The following RYR2 variants were observed in gnomAD, a reference collection of about 807,000 sequenced individuals.
RYR2 encodes the protein ryanodine receptor 2, also known as cardiac muscle ryanodine receptor-calcium release channel.
RYR2 carries 227 observed loss-of-function variants against 601.1 expected under a neutral mutation model. The observed-to-expected ratio is 0.38, with a 90% CI of 0.34 to 0.42. RYR2 has a LOEUF of 0.42. RYR2 is among the 10% of genes least tolerant of loss of function. The pLI, the probability that RYR2 is intolerant of heterozygous loss-of-function variation, is 1.00. For missense variants in RYR2, 4,646 were observed against 6,156.5 expected (o/e 0.75, Z 8.21); for synonymous variants, 2,223 against 2,175.1 (o/e 1.02, Z -0.61).
Position 237,827,704 on chromosome 1 carries a change from C to T in RYR2, c.14591-677C>T, listed in dbSNP as rs539688683. ...CTGTAATCCCAGCACTTTGGGAGGC[C>T]GAGGCAGGCGGATCACAAGGCCAGG... is the stretch of plus-strand genomic sequence containing the variant. On this transcript the variant is annotated intron_variant, in intron 101 of 104. Transcript: ENST00000366574. Among the ~76,000 whole-genome samples, 91 of 150,640 alleles carry T rather than the reference C, an allele frequency of 6.0e-4. 1 individual carries two copies. The South Asian group carries it at 0.018, about 30-fold the overall frequency.
chr1:237,778,637 T>C (rs1369804046), intron 87 of RYR2, 29 bp from the exon 88 acceptor site: 1 of 1,193,422 alleles, frequency 8.4e-7, no homozygotes. Context: ...TTATGAGGAA[T>C]AATTGCCGTT....
chr1:237,192,959 C>A (rs986599186), intron 1 of RYR2, among the ~76,000 whole-genome samples: 1 of 151,842 alleles, frequency 6.6e-6, no homozygotes, highest in South Asian at 2.1e-4. Context: ...CTTCCGAATC[C>A]CAAATCCGTG....
At chr1:237,387,468 T>C in intron 9 of RYR2, 88 bp downstream of exon 9, 1 of 1,165,846 alleles carries the variant, frequency 8.6e-7, no homozygotes, top group Non-Finnish European at 1.3e-6. Context: ...TGATTGTTAA[T>C]TAGAGCTTTT....
At chr1:237,507,642 G>T (rs1382335187) in intron 23 of RYR2, among the ~76,000 whole-genome samples, 1 of 152,104 alleles carries the variant, frequency 6.6e-6, no homozygotes, top group South Asian at 2.1e-4. Context: ...TCAGTGTTTT[G>T]CATTCTTGCA....
rs928334430 is a variant in RYR2, at chr1:237,326,206, AT to A, written c.169-4665del. Among the ~76,000 whole-genome samples the A allele has an allele frequency of 4.0e-5, 6 of 151,784 alleles. No individual in the cohort carries two copies. In the East Asian group the frequency reaches 1.2e-3, roughly 29 times the overall value. ...ATGCTGCTTTGTGGTTATTCTTGAG[AT>A]TTTTTTCCCCCTCTAAGACTATACA... On this transcript the variant is annotated intron_variant, in intron 2 of 104. Transcript: ENST00000366574.
chr1:237,344,013 G>A (rs948912489), intron 3 of RYR2, among the ~76,000 whole-genome samples: 11 of 151,702 alleles, frequency 7.3e-5, no homozygotes, highest in African/African-American at 2.7e-4. Context: ...AGTACAGATG[G>A]GGTTTCTCCA....
At chr1:237,097,087 G>A (rs544661586) in intron 1 of RYR2, among the ~76,000 whole-genome samples, 1 of 152,274 alleles carries the variant, frequency 6.6e-6, no homozygotes, top group South Asian at 2.1e-4. Context: ...GCTTGAATAT[G>A]TATTTTCTCT....
At chr1:237,098,376 C>T (rs1298701489) in intron 1 of RYR2, among the ~76,000 whole-genome samples, 1 of 131,966 alleles carries the variant, frequency 7.6e-6, no homozygotes, top group East Asian at 2.2e-4. Context: ...CACATAGTTG[C>T]CATTGTGTGT....
intron 63 of RYR2, 91 bp downstream of exon 63, chr1:237,687,595 G>T: frequency 1.0e-6 from 1 of 972,118 alleles, no homozygotes. Context: ...ATGTTGCATG[G>T]ATGCATGTTT....
intron 1 of RYR2, among the ~76,000 whole-genome samples, chr1:237,087,012 C>T (rs1572584286): frequency 6.6e-6 from 1 of 152,152 alleles, no homozygotes; most frequent in African/African-American, 2.4e-5. Flanking sequence ...CTTCTCTTTT[C>T]AGGCTGCATA....
intron 62 of RYR2, among the ~76,000 whole-genome samples, chr1:237,680,969 A>G (rs1685827566): frequency 6.6e-6 from 1 of 152,232 alleles, no homozygotes; most frequent in Non-Finnish European, 1.5e-5. Context: ...CCCCACATAT[A>G]CAAATTTAAT....
chr1:237,553,924 T>C (rs28789526), intron 27 of RYR2, among the ~76,000 whole-genome samples: 1 of 151,930 alleles, frequency 6.6e-6, no homozygotes, highest in Non-Finnish European at 1.5e-5. Flanking sequence ...GTAAATTCAG[T>C]GGGATTGTCT....
At chr1:237,126,595 C>T (rs952915764) in intron 1 of RYR2, among the ~76,000 whole-genome samples, 5 of 152,152 alleles carry the variant, frequency 3.3e-5, no homozygotes, top group Non-Finnish European at 7.4e-5. Context: ...AGGTGTCAGA[C>T]CTCCATCTGG....
Position 237,791,429 on chromosome 1 carries a change from A to G in RYR2, c.13477A>G (p.Asn4493Asp). The part of the protein sequence containing the change: ...KIIAYQQKLL[N>D]YFARNFYNMR... ...TTTTCATAATGTTTTTCACCCTCAG[A>G]ACTATTTTGCTCGCAACTTTTACAA... Residue 4493 changes from asparagine (N) to aspartate (D), a missense_variant and splice_region_variant, in exon 93 of 105, where the codon AAC (asparagine) becomes GAC (aspartate). By Grantham distance (23) the Asn-to-Asp change is conservative. Transcript: ENST00000366574. The G allele has an allele frequency of 6.5e-7, 1 of 1,543,488 alleles. No homozygotes were observed. Among genetic ancestry groups the G allele is most frequent in the Non-Finnish European group, 8.9e-7 (1 of 1,129,042 alleles).
At chr1:237,081,529 A>G (rs1218082278) in intron 1 of RYR2, among the ~76,000 whole-genome samples, 1 of 151,558 alleles carries the variant, frequency 6.6e-6, no homozygotes, top group Non-Finnish European at 1.5e-5. Context: ...ATATATATAT[A>G]CATGCATGTA....
At chr1:237,602,640 T>C (rs1234945583) in intron 35 of RYR2, among the ~76,000 whole-genome samples, 1 of 152,178 alleles carries the variant, frequency 6.6e-6, no homozygotes, top group East Asian at 1.9e-4. Context: ...AGAGTGAACA[T>C]GCTGAAGGTT....
chr1:237,216,859 G>C (rs1683235195), intron 1 of RYR2, among the ~76,000 whole-genome samples: 1 of 152,102 alleles, frequency 6.6e-6, no homozygotes, highest in East Asian at 1.9e-4. Context: ...ATTTAAGTTA[G>C]GGTCTGAGTA....
At chr1:237,549,628 CTTTTTTTTTTTTTTTT>C (rs57579159) in intron 26 of RYR2, among the ~76,000 whole-genome samples, 9 of 77,734 alleles carry the variant, frequency 1.2e-4, no homozygotes, top group South Asian at 1.3e-3. Context: ...CCATAGCTTT[CTTTTTTTTTTTTTTTT>C]TTTTTTTTTT....
chr1:237,370,208 A>C (rs1332613118), intron 6 of RYR2, among the ~76,000 whole-genome samples: 1 of 151,998 alleles, frequency 6.6e-6, no homozygotes, highest in Non-Finnish European at 1.5e-5. Context: ...TAGCTATTAC[A>C]TATACAGCTG....
Sources: gnomAD v4.1 joint callset for allele counts (sites outside exome capture counted in the v4.1 genomes callset) on GRCh38, gnomAD v4.1.1 for gene constraint, MANE v1.5 for transcripts, NCBI Gene and HGNC (gene_info 2026-07-23, HGNC 2026-07-21) for gene names.